Variants in AMY2A observed in about 807,000 individuals in gnomAD.
The protein encoded by AMY2A is amylase alpha 2A.
AMY2A carries 16 observed loss-of-function variants against 43.0 expected under a neutral mutation model. The ratio of observed to expected loss-of-function variants is 0.37; its 90% CI spans 0.25 to 0.56. The LOEUF is 0.56. Among genes scored for constraint, AMY2A ranks in the 20% least tolerant of loss-of-function variants. AMY2A has a pLI of 0.77. For missense variants in AMY2A, 212 were observed against 456.8 expected (o/e 0.46, Z 4.89); for synonymous variants, 70 against 144.6 (o/e 0.48, Z 3.70).
chr1:103,617,394 G>A (rs1482411963), upstream of AMY2A: 11 of 1,573,610 alleles, frequency 7.0e-6, no homozygotes, highest in Non-Finnish European at 9.6e-6. Flanking sequence ...GCTTCTTACA[G>A]GAATATAAAT....
chr1:103,619,222 A>G (rs374488993), intron 3 of AMY2A, 114 bp downstream of exon 3: 35 of 615,414 alleles, frequency 5.7e-5, no homozygotes, highest in East Asian at 4.3e-4. Flanking sequence ...TAGGGACAGA[A>G]GTTAACAAGT....
rs755999949 is a variant in AMY2A at position 103,617,926 on chromosome 1, G to A, written c.169-28G>A. 6 of 1,600,072 alleles carry A rather than the reference G, an allele frequency of 3.7e-6. 1 individual carries two copies. The highest frequency in any genetic ancestry group is 5.1e-6 in the Non-Finnish European group (6 of 1,170,372). Reference sequence around the variant, plus strand: ...ATGATACACAGTAAGACAGAATTTGGTACTTATGAAGACTGTTTAATTTGT... The same window carrying A: ...ATGATACACAGTAAGACAGAATTTGATACTTATGAAGACTGTTTAATTTGT... On this transcript the variant is annotated intron_variant, in intron 1 of 9. Transcript: ENST00000414303.
At chr1:103,617,067 T>G, upstream of AMY2A, 1 of 966,850 alleles carries the variant, frequency 1.0e-6, no homozygotes, top group Non-Finnish European at 1.3e-6. Flanking sequence ...CCTGTAAAAG[T>G]ATTCATCCTT....
At chr1:103,619,208 C>G in intron 3 of AMY2A, 100 bp downstream of exon 3, 1 of 596,686 alleles carries the variant, frequency 1.7e-6, no homozygotes, top group South Asian at 2.1e-5. Context: ...GAATTTAGAT[C>G]TCTTAGGGAC....
At chr1:103,616,869 A>C (rs1005019919), upstream of AMY2A, 3 of 489,894 alleles carry the variant, frequency 6.1e-6, no homozygotes, top group African/African-American at 6.2e-5. Flanking sequence ...TTAATGTGTC[A>C]GGGCTGAGTG....
At chr1:103,618,245 A>T in intron 2 of AMY2A, 145 bp downstream of exon 2, 3 of 1,341,432 alleles carry the variant, frequency 2.2e-6, no homozygotes, top group East Asian at 5.1e-5. Flanking sequence ...TTAACTGTTT[A>T]TTTATGTTCA....
At chr1:103,617,307 G>T, upstream of AMY2A, 1 of 1,482,166 alleles carries the variant, frequency 6.7e-7, no homozygotes, top group Non-Finnish European at 9.2e-7. Context: ...GATTATTATT[G>T]ATAATCCTTT....
chr1:103,620,008 A>C (rs1470473171), intron 4 of AMY2A, among the ~76,000 whole-genome samples: 3 of 151,350 alleles, frequency 2.0e-5, no homozygotes, highest in Admixed American at 6.6e-5. Flanking sequence ...TTATGTCTTT[A>C]CTTTCTTTGG....
At chr1:103,617,892 G>C in intron 1 of AMY2A, 62 bp from the exon 2 acceptor site, 2 of 1,596,078 alleles carry the variant, frequency 1.3e-6, no homozygotes, top group Non-Finnish European at 1.7e-6. Context: ...TTAGTTTCTA[G>C]AACATTCAAT....
chr1:103,616,960 C>T, upstream of AMY2A: 1 of 1,031,012 alleles, frequency 9.7e-7, no homozygotes, highest in Non-Finnish European at 1.2e-6. Context: ...TTGGAAAGTC[C>T]AAGCCATAGG....
Position 103,618,950 on chromosome 1 carries a change from G to A in AMY2A, c.355G>A (p.Gly119Ser), listed in dbSNP as rs1249416855. 2 of 1,417,576 alleles carry A rather than the reference G, an allele frequency of 1.4e-6. 1 individual carries two copies. The highest frequency in any genetic ancestry group is 1.9e-6 in the Non-Finnish European group (2 of 1,052,182). The allele number at this position is 1,417,576 out of a possible 1,614,324, so 87.8% of individuals were successfully genotyped here. ...YVDAVINHMC[G>S]NAVSAGTSST... ...GGATGCTGTAATTAATCATATGTGT[G>A]GTAACGCTGTGAGTGCAGGAACAAG... Residue 119 changes from glycine to serine, a missense_variant, in exon 3 of 10, where the codon GGT becomes AGT. Transcript: ENST00000414303.
intron 2 of AMY2A, 56 bp downstream of exon 2, chr1:103,618,156 C>T: frequency 2.6e-6 from 4 of 1,562,620 alleles, no homozygotes; most frequent in Non-Finnish European, 3.5e-6. Flanking sequence ...GTTTCTCTCT[C>T]TTCTTTCTTG....
Position 103,619,246 on chromosome 1 carries a change from G to T in AMY2A, c.513+138G>T. 2 of 776,698 alleles carry T rather than the reference G, an allele frequency of 2.6e-6. 1 individual carries two copies. 48.1% of individuals were successfully genotyped at this position (776,698 alleles called of 1,614,324 possible). On this transcript the variant is annotated intron_variant, in intron 3 of 9. Transcript: ENST00000414303. Reference sequence around the variant, plus strand: ...AAGTTAACAAGTTTGACTACTTTAAGAAACTCAAATCCATATTTAAGAACT... The same window carrying T: ...AAGTTAACAAGTTTGACTACTTTAATAAACTCAAATCCATATTTAAGAACT...
rs1452929582 is a variant in AMY2A, at chr1:103,619,259, A to G, written c.513+151A>G. 2.6e-5 allele frequency: 25 copies of G among 964,090 alleles called. No individual in the cohort carries two copies. The African/African-American group carries it at 3.9e-4, about 15-fold the overall frequency. 59.7% of individuals were successfully genotyped at this position (964,090 alleles called of 1,614,324 possible). A position where few individuals can be genotyped will look rare whatever the true frequency, so the allele number is the denominator to read the frequency against. ...TGACTACTTTAAGAAACTCAAATCC[A>G]TATTTAAGAACTTTCAAATATTGAT... On this transcript the variant is annotated intron_variant, in intron 3 of 9. Transcript: ENST00000414303.
upstream of AMY2A, chr1:103,617,282 T>C (rs778386883): frequency 7.1e-7 from 1 of 1,408,600 alleles, no homozygotes; most frequent in Admixed American, 2.3e-5. Flanking sequence ...CTTTTTGATG[T>C]TCTTTACCTG....
chr1:103,620,031 G>C (rs1385407633), intron 4 of AMY2A, among the ~76,000 whole-genome samples: 1 of 150,816 alleles, frequency 6.6e-6, no homozygotes, highest in Non-Finnish European at 1.5e-5. Context: ...AATGAAACAA[G>C]TTAATATTTA....
At chr1:103,617,761 T>G (rs568704308) in intron 1 of AMY2A, among the ~76,000 whole-genome samples, 153 bp downstream of exon 1, 1 of 150,728 alleles carries the variant, frequency 6.6e-6, no homozygotes, top group Admixed American at 6.6e-5. Flanking sequence ...GTAGTATTCT[T>G]GGCAACTTTA....
At chr1:103,617,314 C>T, upstream of AMY2A, 1 of 1,513,066 alleles carries the variant, frequency 6.6e-7, no homozygotes, top group South Asian at 1.2e-5. Flanking sequence ...ATTGATAATC[C>T]TTTTCAGATT....
Position 103,618,074 on chromosome 1 carries a change from A to C in AMY2A, c.289A>C (p.Met97Leu). The change falls in exon 2 of 10, where the codon ATG becomes CTG. Residue 97 changes from methionine to leucine, a missense_variant. Transcript: ENST00000414303. The part of the protein sequence containing the change: ...RSGNEDEFRN[M>L]VTRCNNVGVR... ...TGGAAATGAAGATGAATTTAGAAACATGGTGACTAGATGTAACAATGTTGG... is the reference window on the plus strand; with the variant it reads ...TGGAAATGAAGATGAATTTAGAAACCTGGTGACTAGATGTAACAATGTTGG... 1 of 1,600,456 alleles carries C rather than the reference A, an allele frequency of 6.2e-7. No individual in the cohort carries two copies. Among genetic ancestry groups the C allele is most frequent in the Non-Finnish European group, 8.5e-7 (1 of 1,170,488 alleles).
Sources: gnomAD v4.1 joint callset for allele counts (sites outside exome capture counted in the v4.1 genomes callset) on GRCh38, gnomAD v4.1.1 for gene constraint, MANE v1.5 for transcripts, NCBI Gene and HGNC (gene_info 2026-07-23, HGNC 2026-07-21) for gene names.